The following PFKFB3 variants were observed in gnomAD, a reference collection of about 807,000 sequenced individuals.
PFKFB3 encodes 6-phosphofructo-2-kinase/fructose-2,6-biphosphatase 3.
In PFKFB3, 33 loss-of-function variants were observed where a neutral mutation model predicts 68.0. The ratio of observed to expected loss-of-function variants is 0.49; its 90% CI spans 0.37 to 0.65. The LOEUF (loss-of-function observed/expected upper bound fraction) is 0.65, where lower values mean the gene tolerates loss of function less well. Among genes scored for constraint, PFKFB3 ranks in the 30% least tolerant of loss-of-function variants. The pLI is 0.00. For synonymous variants in PFKFB3, 315 were observed against 288.2 expected, an observed-to-expected ratio of 1.09 and a Z score of -0.94; for missense variants, 586 against 712.2, an observed-to-expected ratio of 0.82 and a Z score of 2.02.
chr10:6,184,771 C>CTTTTTTTT (rs35388630), intron 1 of PFKFB3, among the ~76,000 whole-genome samples: 55 of 121,414 alleles, frequency 4.5e-4, no homozygotes, highest in African/African-American at 1.7e-3. Context: ...CGCGCCTGGC[C>CTTTTTTTT]TTTTTTTTTT....
At chr10:6,212,823 G>A (rs574118487) in intron 1 of PFKFB3, among the ~76,000 whole-genome samples, 6 of 152,248 alleles carry the variant, frequency 3.9e-5, no homozygotes, top group African/African-American at 1.4e-4. Context: ...TTTAAAAATT[G>A]CCTTTTTAAA....
At chr10:6,151,074 G>A (rs1166793893) in intron 1 of PFKFB3, among the ~76,000 whole-genome samples, 2 of 152,184 alleles carry the variant, frequency 1.3e-5, no homozygotes, top group Non-Finnish European at 2.9e-5. Flanking sequence ...ATTTCCAGCT[G>A]GGCGGTTGAG....
rs147364193 is a variant in PFKFB3, at chr10:6,230,083, G to C, written c.1516-2812G>C. Reference sequence around the variant, plus strand: ...ATCTTTCTACTGGGAGGAGCCATTCGGGGATAGTCCCCCACCCGCTAAAGC... The same window carrying C: ...ATCTTTCTACTGGGAGGAGCCATTCCGGGATAGTCCCCCACCCGCTAAAGC... On this transcript the variant is annotated intron_variant, in intron 14 of 14. Coordinates refer to ENST00000379775, the MANE Select transcript of PFKFB3 (RefSeq NM_004566.4). Among the ~76,000 whole-genome samples, 10 of 152,234 alleles carry C rather than the reference G, an allele frequency of 6.6e-5. No homozygotes were observed. In the South Asian group the frequency reaches 2.1e-3, roughly 32 times the overall value.
At chr10:6,182,098 C>T (rs757240142) in intron 1 of PFKFB3, among the ~76,000 whole-genome samples, 3 of 152,158 alleles carry the variant, frequency 2.0e-5, no homozygotes, top group Non-Finnish European at 4.4e-5. Context: ...AAACAAAAAG[C>T]AAAAGATAAG....
Position 6,227,233 on chromosome 10 carries a change from C to T in PFKFB3, c.1515+868C>T, listed in dbSNP as rs766274014. Among the ~76,000 whole-genome samples, 26 of 152,170 alleles carry T rather than the reference C, an allele frequency of 1.7e-4. 1 individual carries two copies. Among genetic ancestry groups the T allele is most frequent in the Non-Finnish European group, 3.4e-4 (23 of 68,040 alleles). ...AGAAAACTGGTCTTTTCCTTTACAG[C>T]CTGGAACCCTTGCAAATATGTGAGA... On this transcript the variant is annotated intron_variant, in intron 14 of 14. Transcript: ENST00000379775.
chr10:6,194,942 G>A (rs547356800), intron 1 of PFKFB3, among the ~76,000 whole-genome samples: 9 of 150,746 alleles, frequency 6.0e-5, no homozygotes, highest in Middle Eastern at 6.8e-3. Context: ...GCGCAATCTC[G>A]GCTCACTGCA....
chr10:6,178,491 A>G (rs1293529179), intron 1 of PFKFB3, among the ~76,000 whole-genome samples: 2 of 152,154 alleles, frequency 1.3e-5, no homozygotes, highest in Non-Finnish European at 2.9e-5. Context: ...GGGGCCAGGA[A>G]GGCCTGGCTC....
chr10:6,146,121 C>A, intron 1 of PFKFB3: 1 of 567,574 alleles, frequency 1.8e-6, no homozygotes, highest in Non-Finnish European at 2.2e-6. Context: ...ACACTAAGGA[C>A]GTTGAGGACT....
rs532750198 is a variant in PFKFB3, at chr10:6,183,844, C to T, written c.17-29779C>T. On this transcript the variant is annotated intron_variant, in intron 1 of 14. Coordinates refer to the PFKFB3 transcript ENST00000379789. Reference sequence around the variant, plus strand: ...TTGGGACTACAGACAACTGCCACCACGCCCGGCTAATTTTTTTTTATATTT... The same window carrying T: ...TTGGGACTACAGACAACTGCCACCATGCCCGGCTAATTTTTTTTTATATTT... Among the ~76,000 whole-genome samples the T allele has an allele frequency of 4.4e-4, 66 of 151,250 alleles. 1 individual carries two copies. Among genetic ancestry groups the T allele is most frequent in the Middle Eastern group, 6.9e-3 (2 of 290 alleles).
Position 6,188,566 on chromosome 10 carries a change from ACGCCATTG to A in PFKFB3, c.17-25056_17-25049del, listed in dbSNP as rs1397074753. Reference sequence around the variant, plus strand: ...CAGTTCAGTAGTGTTAGATGTATTCACGCCATTGTGCAATAGATCTCTAGAACCTTTTC... The same window carrying A: ...CAGTTCAGTAGTGTTAGATGTATTCATGCAATAGATCTCTAGAACCTTTTC... On this transcript the variant is annotated intron_variant, in intron 1 of 14. Coordinates refer to the PFKFB3 transcript ENST00000379789. Among the ~76,000 whole-genome samples the A allele has an allele frequency of 5.3e-5, 8 of 152,038 alleles. No homozygotes were observed. The East Asian group carries it at 9.6e-4, about 18-fold the overall frequency.
chr10:6,271,512 G>C, the PFKFB3 span, among the ~76,000 whole-genome samples: 1 of 152,216 alleles, frequency 6.6e-6, no homozygotes, highest in African/African-American at 2.4e-5. Flanking sequence ...GAGTAATGAA[G>C]CCACTTCCGG....
chr10:6,224,209 CAG>C lies in PFKFB3; in HGVS notation c.1340_1341del (p.Glu447GlyfsTer7). ...TCCGTCTGCACACACCGGGAGAGGT[CAG>C]AGGTGAGTGGAGGCCCCAAGCCTCA... On this transcript the variant is annotated frameshift_variant and splice_region_variant, in exon 13 of 15. Coordinates refer to ENST00000379775, the MANE Select transcript of PFKFB3 (RefSeq NM_004566.4). LOFTEE classifies it high-confidence loss of function. The C allele has an allele frequency of 6.2e-7, 1 of 1,613,840 alleles. No homozygotes were observed. Among genetic ancestry groups the C allele is most frequent in the Non-Finnish European group, 8.5e-7 (1 of 1,179,888 alleles).
At chr10:6,208,371 C>CTTTTTTTTGTTTTTT (rs1843933157) in intron 1 of PFKFB3, among the ~76,000 whole-genome samples, 1 of 60,624 alleles carries the variant, frequency 1.6e-5, no homozygotes, top group African/African-American at 6.7e-5. Context: ...GGTACCTGGC[C>CTTTTTTTTGTTTTTT]TTTTTTTTTT....
chr10:6,277,067 T>C, the PFKFB3 span, among the ~76,000 whole-genome samples: 2 of 152,096 alleles, frequency 1.3e-5, no homozygotes, highest in East Asian at 3.9e-4. Flanking sequence ...CATTTCAGAA[T>C]GTTGCATAAA....
chr10:6,256,208 G>C (rs1799177590), downstream of PFKFB3, among the ~76,000 whole-genome samples: 1 of 152,154 alleles, frequency 6.6e-6, no homozygotes, highest in African/African-American at 2.4e-5. Flanking sequence ...TACTTTTCTG[G>C]AGAAGGTTTA....
the PFKFB3 span, among the ~76,000 whole-genome samples, chr10:6,268,147 C>G: frequency 6.6e-6 from 1 of 151,934 alleles, no homozygotes; most frequent in African/African-American, 2.4e-5. Context: ...CAGGCAGAGC[C>G]CCTAAGGTGG....
intron 1 of PFKFB3, chr10:6,146,273 G>T: frequency 6.8e-7 from 1 of 1,476,166 alleles, no homozygotes; most frequent in Non-Finnish European, 9.0e-7. Context: ...TTGCCTGGAG[G>T]CTGTACCGGA....
the PFKFB3 span, among the ~76,000 whole-genome samples, chr10:6,309,865 T>C: frequency 6.6e-6 from 1 of 152,152 alleles, no homozygotes; most frequent in African/African-American, 2.4e-5. Flanking sequence ...CATAAATGTT[T>C]CACTTTCCTG....
chr10:6,176,157 G>A (rs943336327), intron 1 of PFKFB3, among the ~76,000 whole-genome samples: 36 of 152,238 alleles, frequency 2.4e-4, no homozygotes, highest in Non-Finnish European at 2.6e-4. Flanking sequence ...TGCAGGAAGG[G>A]ACACGGTGGA....
Sources: allele counts gnomAD v4.1 joint callset (sites outside exome capture counted in the v4.1 genomes callset), GRCh38; gene constraint gnomAD v4.1.1; transcripts MANE v1.5; gene names NCBI Gene and HGNC (gene_info 2026-07-23, HGNC 2026-07-21).